Variants in STX12 observed in about 807,000 individuals in gnomAD.
STX12 encodes syntaxin 12, also known as syntaxin-12.
STX12 carries 17 observed loss-of-function variants against 42.2 expected under a neutral mutation model. That is an observed-to-expected ratio of 0.40 (90% confidence interval 0.28 to 0.60). The LOEUF (loss-of-function observed/expected upper bound fraction) is 0.60, where lower values mean the gene tolerates loss of function less well. STX12 is among the 20% of genes least tolerant of loss of function. The pLI, the probability that STX12 is intolerant of heterozygous loss-of-function variation, is 0.39. For synonymous variants in STX12, 108 were observed against 116.7 expected, an observed-to-expected ratio of 0.93 and a Z score of 0.48; for missense variants, 297 against 330.9, an observed-to-expected ratio of 0.90 and a Z score of 0.79.
intron 1 of STX12, among the ~76,000 whole-genome samples, chr1:27,780,065 A>G (rs1039343571): frequency 6.6e-6 from 1 of 151,910 alleles, no homozygotes; most frequent in Non-Finnish European, 1.5e-5. Context: ...TGCTGGGATT[A>G]CAAGCATGAG....
chr1:27,793,292 G>A (rs1465242092), intron 2 of STX12, among the ~76,000 whole-genome samples: 2 of 152,124 alleles, frequency 1.3e-5, no homozygotes, highest in East Asian at 1.9e-4. Context: ...TAAAATTCCC[G>A]ATCTGTGCTT....
In STX12 at chr1:27,801,652, C is replaced by T. The variant is rs371412765; in HGVS notation, c.289-26C>T. 4.0e-5 allele frequency: 59 copies of T among 1,469,042 alleles called. 1 individual carries two copies. The African/African-American group carries it at 6.9e-4, about 17-fold the overall frequency. The allele number at this position is 1,469,042 out of a possible 1,614,324, so 91.0% of individuals were successfully genotyped here. ...AAATGATTCTGGGTTAATATGAAATCTCAAGTTCTTGCTTGATTTCCTTAG... is the reference window on the plus strand; with the variant it reads ...AAATGATTCTGGGTTAATATGAAATTTCAAGTTCTTGCTTGATTTCCTTAG... On this transcript the variant is annotated intron_variant, in intron 3 of 8. Transcript: ENST00000373943.
intron 4 of STX12, chr1:27,810,022 T>C (rs1435894160): frequency 4.4e-6 from 2 of 451,628 alleles, no homozygotes; most frequent in Non-Finnish European, 7.9e-6. Context: ...TCCACCCTGT[T>C]CAGTATGGTT....
intron 4 of STX12, among the ~76,000 whole-genome samples, chr1:27,804,426 C>CA (rs112720902): frequency 0.18 from 25,815 of 143,348 alleles, 5,846 homozygotes; most frequent in African/African-American, 0.53. Context: ...AATTCCGTCT[C>CA]AAAAAAAAAT....
chr1:27,818,278 G>A (rs1335845111), intron 7 of STX12, among the ~76,000 whole-genome samples: 1 of 152,074 alleles, frequency 6.6e-6, no homozygotes, highest in Non-Finnish European at 1.5e-5. Flanking sequence ...CTACTCGGGA[G>A]GCTGAGGCAG....
chr1:27,819,888 C>T, intron 8 of STX12, 156 bp downstream of exon 8: 1 of 573,870 alleles, frequency 1.7e-6, no homozygotes, highest in East Asian at 3.0e-5. Context: ...TATTATTTTC[C>T]TTTGCAGATA....
chr1:27,777,126 A>G (rs371990076), intron 1 of STX12, among the ~76,000 whole-genome samples: 1 of 152,100 alleles, frequency 6.6e-6, no homozygotes, highest in East Asian at 1.9e-4. Context: ...GTACATACAC[A>G]TATAAATAAT....
chr1:27,822,423 ATCAGAACG>A lies in STX12; in HGVS notation c.*97_*104del. On this transcript the variant is annotated 3_prime_UTR_variant, in exon 9 of 9. Coordinates refer to ENST00000373943, the MANE Select transcript of STX12 (RefSeq NM_177424.3). ...AACTGATCACAAGAAGACAGCATATATCAGAACGTCCTGTAATCATTTAGTTAGAAACT... is the reference window on the plus strand; with the variant it reads ...AACTGATCACAAGAAGACAGCATATATCCTGTAATCATTTAGTTAGAAACT... The A allele has an allele frequency of 1.2e-6, 1 of 801,872 alleles. No homozygotes were observed. Among genetic ancestry groups the A allele is most frequent in the Non-Finnish European group, 2.2e-6 (1 of 452,630 alleles). The allele number at this position is 801,872 out of a possible 1,614,324, so 49.7% of individuals were successfully genotyped here. A position where few individuals can be genotyped will look rare whatever the true frequency, so the allele number is the denominator to read the frequency against.
In STX12 at chr1:27,811,985, T is replaced by C. The variant is rs1237942334; in HGVS notation, c.471-178T>C. On this transcript the variant is annotated intron_variant, in intron 5 of 8. Coordinates refer to ENST00000373943, the MANE Select transcript of STX12 (RefSeq NM_177424.3). ...AAGCTGAGTCTTTGTTTTCCTGATA[T>C]CATCAGCTCTTTGCTTCTGGATATG... The C allele has an allele frequency of 5.9e-6, 4 of 675,448 alleles. No homozygotes were observed. The East Asian group carries it at 9.0e-5, about 15-fold the overall frequency. 41.8% of individuals were successfully genotyped at this position (675,448 alleles called of 1,614,324 possible). A position where few individuals can be genotyped will look rare whatever the true frequency, so the allele number is the denominator to read the frequency against.
In STX12 at chr1:27,812,199, T is replaced by A. The variant is rs947594550; in HGVS notation, c.507T>A (p.Asp169Glu). ...EEWNQMQSQE[D>E]EVAITEQDLE... ...GGAACCAGATGCAGAGCCAGGAGGA[T>A]GAGGTGGCCATCACTGAGCAGGATT... Residue 169 changes from aspartate (D) to glutamate (E), a missense_variant, in exon 6 of 9, where the codon GAT becomes GAA. Transcript: ENST00000373943. 2 of 1,560,844 alleles carry A rather than the reference T, an allele frequency of 1.3e-6. No individual in the cohort carries two copies. Among genetic ancestry groups the A allele is most frequent in the Non-Finnish European group, 1.7e-6 (2 of 1,151,650 alleles).
chr1:27,776,192 A>T (rs2088627017), intron 1 of STX12, among the ~76,000 whole-genome samples: 1 of 152,208 alleles, frequency 6.6e-6, no homozygotes, highest in African/African-American at 2.4e-5. Context: ...AGTAATATTA[A>T]TAGCTAACAT....
chr1:27,793,991 C>T (rs2088767248), intron 3 of STX12, among the ~76,000 whole-genome samples: 1 of 140,852 alleles, frequency 7.1e-6, no homozygotes, highest in Non-Finnish European at 1.5e-5. Context: ...CTCCTTTCTC[C>T]TAGTTTTTTT....
chr1:27,815,218 G>A (rs2088932944), intron 6 of STX12, among the ~76,000 whole-genome samples: 1 of 152,150 alleles, frequency 6.6e-6, no homozygotes, highest in African/African-American at 2.4e-5. Flanking sequence ...CGGATACCAA[G>A]GGACGAATGT....
In STX12 at chr1:27,819,643, T is replaced by C. The variant is rs1557809063; in HGVS notation, c.650-7T>C. On this transcript the variant is annotated splice_region_variant and splice_polypyrimidine_tract_variant and intron_variant, in intron 7 of 8. Transcript: ENST00000373943. ...TGTTAAAACATCCTCTGTCCTTCCT[T>C]TTGCAGATAGCATAGAAGCCAATGT... 1 of 1,613,308 alleles carries C rather than the reference T, an allele frequency of 6.2e-7. No individual in the cohort carries two copies. The highest frequency in any genetic ancestry group is 8.5e-7 in the Non-Finnish European group (1 of 1,179,402).
At chr1:27,821,859 A>C (rs2088986612) in intron 8 of STX12, among the ~76,000 whole-genome samples, 1 of 152,276 alleles carries the variant, frequency 6.6e-6, no homozygotes. Flanking sequence ...CTCTACTAAA[A>C]ATACAAAAAC....
rs541954389 is a variant in STX12, at chr1:27,782,198, C to G, written c.119-7364C>G. Among the ~76,000 whole-genome samples the G allele has an allele frequency of 4.6e-5, 7 of 152,256 alleles. No individual in the cohort carries two copies. In the South Asian group the frequency reaches 1.5e-3, roughly 32 times the overall value. ...TCATAGGTCACTGCAACCTTGAACT[C>G]AAGGGATCCCCCCACCTCCACCTTC... On this transcript the variant is annotated intron_variant, in intron 1 of 8. Transcript: ENST00000373943.
At chr1:27,810,193 T>C in intron 4 of STX12, 53 bp from the exon 5 acceptor site, 1 of 1,562,984 alleles carries the variant, frequency 6.4e-7, no homozygotes, top group African/African-American at 1.4e-5. Flanking sequence ...TTGTTTTGTG[T>C]GTCTGTGATG....
At chr1:27,773,472 GGCCTGGGTGAGGCT>G in intron 1 of STX12, 47 bp downstream of exon 1, 1 of 1,572,862 alleles carries the variant, frequency 6.4e-7, no homozygotes, top group Non-Finnish European at 8.7e-7. Flanking sequence ...CCCGGGGACA[GGCCTGGGTGAGGCT>G]GCCGGGACGC....
intron 4 of STX12, among the ~76,000 whole-genome samples, chr1:27,802,957 A>G (rs944805299): frequency 3.0e-4 from 45 of 152,346 alleles, no homozygotes; most frequent in Middle Eastern, 6.8e-3. Flanking sequence ...AAGATATAAT[A>G]TAGAAATTTA....
Sources: allele counts gnomAD v4.1 joint callset (sites outside exome capture counted in the v4.1 genomes callset), GRCh38; gene constraint gnomAD v4.1.1; transcripts MANE v1.5; gene names NCBI Gene and HGNC (gene_info 2026-07-23, HGNC 2026-07-21).